Variants in AGPS observed in about 807,000 individuals in gnomAD.
The protein encoded by AGPS is alkylglycerone phosphate synthase.
A neutral mutation model predicts 90.7 loss-of-function variants in AGPS; 26 were observed. The observed-to-expected ratio is 0.29, with a 90% CI of 0.21 to 0.40. AGPS has a LOEUF of 0.40. AGPS is among the 10% of genes least tolerant of loss of function. The pLI is 1.00. For synonymous variants in AGPS, 294 were observed against 285.3 expected (o/e 1.03, Z -0.31); for missense variants, 540 against 816.1 (o/e 0.66, Z 4.12).
chr2:177,422,890 TCTA>T (rs1685978816), intron 2 of AGPS, among the ~76,000 whole-genome samples: 1 of 152,108 alleles, frequency 6.6e-6, no homozygotes, highest in Admixed American at 6.6e-5. Context: ...GATAATAATA[TCTA>T]CTATTTATTG....
chr2:177,526,050 T>TGCAACTCC (rs2079083878), intron 19 of AGPS, among the ~76,000 whole-genome samples: 1 of 152,062 alleles, frequency 6.6e-6, no homozygotes, highest in Non-Finnish European at 1.5e-5. Context: ...TAACCAACTC[T>TGCAACTCC]AGTGCAAATC....
rs200803924 is a variant in AGPS at position 177,445,316 on chromosome 2, CAG to C, written c.790-227_790-226del. Among the ~76,000 whole-genome samples, 811 of 152,284 alleles carry C rather than the reference CAG, an allele frequency of 5.3e-3. 8 individuals are homozygous for C. Among genetic ancestry groups the C allele is most frequent in the Middle Eastern group, 0.01 (3 of 292 alleles). On this transcript the variant is annotated intron_variant, in intron 7 of 19. Transcript: ENST00000264167. Reference sequence around the variant, plus strand: ...ATTTAAATTAACCTCTGAATAAAGACAGAGTCTATGTTTTAAGCCAACCCCTG... The same window carrying C: ...ATTTAAATTAACCTCTGAATAAAGACAGTCTATGTTTTAAGCCAACCCCTG...
At chr2:177,399,050 C>T (rs1480155306) in intron 1 of AGPS, among the ~76,000 whole-genome samples, 1 of 152,178 alleles carries the variant, frequency 6.6e-6, no homozygotes, top group African/African-American at 2.4e-5. Context: ...ACCTTCTCTA[C>T]ATAGACTTTT....
At chr2:177,526,227 C>CTTTTTTTTTTTT (rs749224337) in intron 19 of AGPS, among the ~76,000 whole-genome samples, 1 of 124,324 alleles carries the variant, frequency 8.0e-6, no homozygotes, top group African/African-American at 3.0e-5. Context: ...AGCTTCTTGT[C>CTTTTTTTTTTTT]TTTTTTTTTT....
chr2:177,404,279 G>A (rs1214037014), intron 1 of AGPS, among the ~76,000 whole-genome samples: 4 of 152,092 alleles, frequency 2.6e-5, no homozygotes, highest in African/African-American at 4.8e-5. Context: ...GGTCTATGGG[G>A]GTAATGAGAA....
chr2:177,462,482 A>G (rs1018269819), intron 9 of AGPS, among the ~76,000 whole-genome samples: 3 of 151,942 alleles, frequency 2.0e-5, no homozygotes, highest in Non-Finnish European at 4.4e-5. Context: ...AACATTGGAC[A>G]TGTATAGTAG....
At chr2:177,453,181 T>C (rs1188421203) in intron 8 of AGPS, among the ~76,000 whole-genome samples, 1 of 152,098 alleles carries the variant, frequency 6.6e-6, no homozygotes, top group Non-Finnish European at 1.5e-5. Flanking sequence ...GCTCCACTGT[T>C]ACCTACTTCA....
chr2:177,419,286 G>A (rs963952716), intron 1 of AGPS, among the ~76,000 whole-genome samples: 4 of 151,800 alleles, frequency 2.6e-5, no homozygotes, highest in African/African-American at 7.2e-5. Context: ...TTTCTAATGC[G>A]TGCATCTTTA....
chr2:177,532,034 T>C (rs986417004), intron 19 of AGPS, among the ~76,000 whole-genome samples: 1 of 152,004 alleles, frequency 6.6e-6, no homozygotes, highest in Non-Finnish European at 1.5e-5. Context: ...TTTAGAAAAA[T>C]TTAAAGAATA....
At chr2:177,535,481 A>G (rs1021303221) in intron 19 of AGPS, among the ~76,000 whole-genome samples, 4 of 152,186 alleles carry the variant, frequency 2.6e-5, no homozygotes, top group Admixed American at 2.6e-4. Flanking sequence ...GAATTGTACA[A>G]AGGGCATTAT....
chr2:177,440,968 G>A lies in AGPS; in HGVS notation c.641G>A (p.Cys214Tyr). The A allele has an allele frequency of 1.2e-6, 2 of 1,611,716 alleles. No homozygotes were observed. Among genetic ancestry groups the A allele is most frequent in the Non-Finnish European group, 1.7e-6 (2 of 1,178,326 alleles). Residue 214 changes from cysteine to tyrosine, a missense_variant, in exon 6 of 20, where the codon TGC becomes TAC. By Grantham distance (194) the Cys-to-Tyr change is radical. This residue lies in a region of AGPS where 405 missense variants were observed against 692.1 expected (regional missense o/e 0.59). Transcript: ENST00000264167. ...RIPDIVLWPT[C>Y]HDDVVKIVNL... is the part of the protein sequence containing the mutation. ...TTATTTTCCCTTTTTTCAACAGCATGCCATGATGATGTAGTTAAGATTGTG... is the reference window on the plus strand; with the variant it reads ...TTATTTTCCCTTTTTTCAACAGCATACCATGATGATGTAGTTAAGATTGTG...
chr2:177,480,009 C>T (rs1442642251), intron 10 of AGPS, among the ~76,000 whole-genome samples: 3 of 151,928 alleles, frequency 2.0e-5, no homozygotes, highest in Admixed American at 6.6e-5. Context: ...GGAGAAACCC[C>T]GTCTCTACTA....
At chr2:177,530,086 T>G (rs755852704) in intron 19 of AGPS, among the ~76,000 whole-genome samples, 14 of 152,212 alleles carry the variant, frequency 9.2e-5, no homozygotes, top group Non-Finnish European at 1.3e-4. Context: ...CACTCTTGCC[T>G]TAACCATTAA....
intron 16 of AGPS, among the ~76,000 whole-genome samples, chr2:177,511,397 C>T (rs1315724069): frequency 6.6e-6 from 1 of 151,746 alleles, no homozygotes; most frequent in East Asian, 1.9e-4. Flanking sequence ...TGTGCCTAGC[C>T]GATGTTACAG....
intron 15 of AGPS, among the ~76,000 whole-genome samples, chr2:177,506,182 C>T (rs1344536334): frequency 1.3e-5 from 2 of 150,606 alleles, no homozygotes; most frequent in African/African-American, 4.9e-5. Context: ...GTAACAAATT[C>T]AAATTTCTTA....
chr2:177,415,832 T>C (rs569584179), intron 1 of AGPS, among the ~76,000 whole-genome samples: 1 of 152,328 alleles, frequency 6.6e-6, no homozygotes, highest in South Asian at 2.1e-4. Context: ...GTCCTTTTTT[T>C]TTTCTCTCTA....
At chr2:177,451,446 C>T (rs1287159329) in intron 8 of AGPS, among the ~76,000 whole-genome samples, 8 of 151,592 alleles carry the variant, frequency 5.3e-5, no homozygotes, top group Admixed American at 3.3e-4. Flanking sequence ...TTTTGTAGAT[C>T]TCATTGGATT....
chr2:177,455,416 C>G (rs1263738251), intron 8 of AGPS, among the ~76,000 whole-genome samples: 1 of 152,148 alleles, frequency 6.6e-6, no homozygotes, highest in African/African-American at 2.4e-5. Context: ...CATAGGATCA[C>G]CGTCCTTCCT....
rs1004187235 is a variant in AGPS, at chr2:177,447,510, CT to C, written c.870+1892del. 1.8e-3 allele frequency among the ~76,000 whole-genome samples: 272 copies of C among 151,430 alleles called. 1 individual carries two copies. Among genetic ancestry groups the C allele is most frequent in the African/African-American group, 6.1e-3 (254 of 41,354 alleles). On this transcript the variant is annotated intron_variant, in intron 8 of 19. Transcript: ENST00000264167. Reference sequence around the variant, plus strand: ...TAAATGAGGCATTATCAGCACAGCACTTTTTTTTATAACAAAGAATGGCCTT... The same window carrying C: ...TAAATGAGGCATTATCAGCACAGCACTTTTTTTATAACAAAGAATGGCCTT...
Sources: allele counts gnomAD v4.1 joint callset (sites outside exome capture counted in the v4.1 genomes callset), GRCh38; gene constraint gnomAD v4.1.1; regional missense constraint gnomAD v4.1.1; transcripts MANE v1.5; gene names NCBI Gene and HGNC (gene_info 2026-07-23, HGNC 2026-07-21).